Variants in CREBRF observed in about 807,000 individuals in gnomAD.
CREBRF encodes the protein CREB3 regulatory factor.
A neutral mutation model predicts 66.1 loss-of-function variants in CREBRF; 5 were observed. The observed-to-expected ratio is 0.08, with a 90% CI of 0.04 to 0.16. The LOEUF (loss-of-function observed/expected upper bound fraction) is 0.16. Ranked by LOEUF, CREBRF falls within the 10% of genes least tolerant of loss-of-function variation. The pLI is 1.00. For synonymous variants in CREBRF, 229 were observed against 264.4 expected (o/e 0.87, Z 1.30); for missense variants, 531 against 744.9 (o/e 0.71, Z 3.34).
At position 173,137,885 on chromosome 5, in the gene CREBRF, C is replaced by T. The variant is rs1759624494; in HGVS notation, c.*4140C>T. 1 of 152,054 alleles carries T rather than the reference C, an allele frequency of 6.6e-6. No individual in the cohort carries two copies. Among genetic ancestry groups the T allele is most frequent in the Non-Finnish European group, 1.5e-5 (1 of 67,972 alleles). 9.4% of individuals were successfully genotyped at this position (152,054 alleles called of 1,614,324 possible). ...AAGAATTAACAAAAACTTATGTTCCCTTTCTTTATATAGTTTCCTAAAATT... is the reference window on the plus strand; with the variant it reads ...AAGAATTAACAAAAACTTATGTTCCTTTTCTTTATATAGTTTCCTAAAATT... On this transcript the variant is annotated 3_prime_UTR_variant, in exon 9 of 9. Transcript: ENST00000296953.
intron 1 of CREBRF, among the ~76,000 whole-genome samples, chr5:173,070,406 A>G (rs149843272): frequency 9.6e-4 from 146 of 152,288 alleles, no homozygotes; most frequent in Non-Finnish European, 1.6e-3. Flanking sequence ...CTTAGAAAAC[A>G]AAGTGATTCT....
At chr5:173,098,317 G>A (rs1322356064) in intron 4 of CREBRF, among the ~76,000 whole-genome samples, 1 of 151,776 alleles carries the variant, frequency 6.6e-6, no homozygotes, top group Non-Finnish European at 1.5e-5. Flanking sequence ...CTCCTGAGTA[G>A]CTGGTACTAC....
Position 173,059,256 on chromosome 5 carries a change from CTTTTTTTTCTT to C in CREBRF, c.-192+2786_-192+2796del, listed in dbSNP as rs1362489448. ...AGCTTATTTATCAGTTCTTCTTTTTCTTTTTTTTCTTTTTTTTTTTTTTTTGAGACGGAGTT... is the reference window on the plus strand; with the variant it reads ...AGCTTATTTATCAGTTCTTCTTTTTCTTTTTTTTTTTTTTGAGACGGAGTT... On this transcript the variant is annotated intron_variant, in intron 1 of 8. Coordinates refer to ENST00000296953, the MANE Select transcript of CREBRF (RefSeq NM_153607.3). Among the ~76,000 whole-genome samples, 279 of 117,654 alleles carry C rather than the reference CTTTTTTTTCTT, an allele frequency of 2.4e-3. 5 individuals carry two copies. The highest frequency in any genetic ancestry group is 3.5e-3 in the Admixed American group (38 of 10,904). 77.2% of individuals were successfully genotyped at this position (117,654 alleles called of 152,430 possible). A position where few individuals can be genotyped will look rare whatever the true frequency, so the allele number is the denominator to read the frequency against.
At chr5:173,103,152 C>T (rs757310933) in intron 4 of CREBRF, among the ~76,000 whole-genome samples, 3 of 152,204 alleles carry the variant, frequency 2.0e-5, no homozygotes, top group Non-Finnish European at 2.9e-5. Context: ...TGGCTTTATA[C>T]ATTAGCAGGC....
chr5:173,088,235 A>G (rs1349576219), intron 3 of CREBRF, among the ~76,000 whole-genome samples: 4 of 114,194 alleles, frequency 3.5e-5, no homozygotes, highest in Admixed American at 1.9e-4. Context: ...GGCAGCCAAT[A>G]TTGCTTCATC....
At position 173,138,217 on chromosome 5, in the gene CREBRF, C is replaced by T. The variant is rs1028245174; in HGVS notation, c.*4472C>T. 3.9e-5 allele frequency: 6 copies of T among 151,992 alleles called. No homozygotes were observed. The highest frequency in any genetic ancestry group is 6.6e-5 in the Admixed American group (1 of 15,244). 9.4% of individuals were successfully genotyped at this position (151,992 alleles called of 1,614,324 possible). A position where few individuals can be genotyped will look rare whatever the true frequency, so the allele number is the denominator to read the frequency against. On this transcript the variant is annotated 3_prime_UTR_variant, in exon 9 of 9. Coordinates refer to ENST00000296953, the MANE Select transcript of CREBRF (RefSeq NM_153607.3). ...TCTTAATAAGGGCATTATGAGAAGA[C>T]GACTCCATGTTTTTTTAATACTTCA... is the stretch of plus-strand genomic sequence containing the variant.
intron 1 of CREBRF, among the ~76,000 whole-genome samples, chr5:173,068,345 A>G (rs1350701003): frequency 1.3e-5 from 2 of 152,224 alleles, no homozygotes; most frequent in Non-Finnish European, 2.9e-5. Flanking sequence ...CACTTTTGAG[A>G]CAAGTATGGT....
At chr5:173,093,703 G>T (rs1453813657) in intron 4 of CREBRF, among the ~76,000 whole-genome samples, 1 of 152,304 alleles carries the variant, frequency 6.6e-6, no homozygotes. Flanking sequence ...CTTTTGTTGA[G>T]ATGGGGTTTT....
chr5:173,084,566 T>G (rs1323600415), intron 2 of CREBRF, among the ~76,000 whole-genome samples: 1 of 152,242 alleles, frequency 6.6e-6, no homozygotes, highest in Non-Finnish European at 1.5e-5. Context: ...CCTGTGGGCC[T>G]TGTCCCACAC....
At chr5:173,073,964 TA>T (rs1757670706) in intron 1 of CREBRF, among the ~76,000 whole-genome samples, 1 of 128,984 alleles carries the variant, frequency 7.8e-6, no homozygotes, top group Non-Finnish European at 1.7e-5. Flanking sequence ...AGACTCCGTC[TA>T]AAAAATAAAA....
At position 173,137,555 on chromosome 5, in the gene CREBRF, A is replaced by C. The variant is rs1759615470; in HGVS notation, c.*3810A>C. 2 of 151,946 alleles carry C rather than the reference A, an allele frequency of 1.3e-5. No individual in the cohort carries two copies. The highest frequency in any genetic ancestry group is 4.8e-5 in the African/African-American group (2 of 41,392). The allele number at this position is 151,946 out of a possible 1,614,324, so 9.4% of individuals were successfully genotyped here. On this transcript the variant is annotated 3_prime_UTR_variant, in exon 9 of 9. Transcript: ENST00000296953. ...TCAATTCATCAGCTTGAAATTGACT[A>C]TTTCATTTTTCCAGGATTTTTTAGG...
intron 1 of CREBRF, among the ~76,000 whole-genome samples, chr5:173,077,000 G>A: frequency 6.6e-6 from 1 of 151,166 alleles, no homozygotes; most frequent in Non-Finnish European, 1.5e-5. Flanking sequence ...CTACAGTGCA[G>A]TGGCACAATC....
chr5:173,106,830 A>G (rs1193984821), intron 4 of CREBRF, among the ~76,000 whole-genome samples: 16 of 151,866 alleles, frequency 1.1e-4, no homozygotes, highest in Non-Finnish European at 2.2e-4. Flanking sequence ...GCTCACTGCA[A>G]CCTCTGCCTC....
chr5:173,086,112 C>T (rs1758136779), intron 2 of CREBRF: 13 of 808,030 alleles, frequency 1.6e-5, no homozygotes, highest in Middle Eastern at 3.5e-4. Context: ...AAAAACAGTA[C>T]GTTATTCCGA....
At position 173,090,178 on chromosome 5, in the gene CREBRF, A is replaced by G; in HGVS notation, c.136-137A>G. ...TAAGGAAATGATGACATTATATGAA[A>G]TGATAAAGCGTCCTGTCAGTAGCCT... is the stretch of plus-strand genomic sequence containing the variant. On this transcript the variant is annotated intron_variant, in intron 3 of 8. Transcript: ENST00000296953. The surrounding 1 kb of genome is among the most constrained non-coding windows in gnomAD (Gnocchi z 4.5). 1 of 562,954 alleles carries G rather than the reference A, an allele frequency of 1.8e-6. No homozygotes were observed. Among genetic ancestry groups the G allele is most frequent in the Non-Finnish European group, 3.1e-6 (1 of 325,444 alleles). The allele number at this position is 562,954 out of a possible 1,614,324, so 34.9% of individuals were successfully genotyped here. A position where few individuals can be genotyped will look rare whatever the true frequency, so the allele number is the denominator to read the frequency against.
chr5:173,103,162 C>T (rs1758668269), intron 4 of CREBRF, among the ~76,000 whole-genome samples: 1 of 152,172 alleles, frequency 6.6e-6, no homozygotes, highest in African/African-American at 2.4e-5. Context: ...CATTAGCAGG[C>T]ATTTGGCAGG....
intron 7 of CREBRF, among the ~76,000 whole-genome samples, chr5:173,122,571 TA>T (rs1759164036): frequency 4.3e-5 from 2 of 46,414 alleles, no homozygotes; most frequent in Admixed American, 1.9e-4. Flanking sequence ...TTATTTCTTT[TA>T]TTATTATTAT....
intron 4 of CREBRF, among the ~76,000 whole-genome samples, chr5:173,095,077 GAATT>G (rs1244159829): frequency 1.3e-5 from 2 of 149,058 alleles, no homozygotes; most frequent in East Asian, 4.2e-4. Flanking sequence ...CCTTTGCCAA[GAATT>G]AATTAATTGG....
intron 2 of CREBRF, among the ~76,000 whole-genome samples, chr5:173,084,364 G>T (rs1758062435): frequency 6.6e-6 from 1 of 152,162 alleles, no homozygotes; most frequent in Non-Finnish European, 1.5e-5. Flanking sequence ...TTACTCTCCA[G>T]GGTGGAACCA....
Sources: gnomAD v4.1 joint callset for allele counts (sites outside exome capture counted in the v4.1 genomes callset) on GRCh38, gnomAD v4.1.1 for gene constraint, Gnocchi (gnomAD v3.1) non-coding constraint, MANE v1.5 for transcripts, NCBI Gene and HGNC (gene_info 2026-07-23, HGNC 2026-07-21) for gene names.